The following OLFM3 variants were observed in gnomAD, a reference collection of about 807,000 sequenced individuals.
OLFM3 encodes the protein noelin-3.
OLFM3 carries 20 observed loss-of-function variants against 48.6 expected under a neutral mutation model. The observed-to-expected ratio is 0.41, with a 90% CI of 0.29 to 0.60. The LOEUF (loss-of-function observed/expected upper bound fraction) is 0.60, where lower values mean the gene tolerates loss of function less well. Ranked by LOEUF, OLFM3 falls within the 20% of genes least tolerant of loss-of-function variation. The probability of loss-of-function intolerance (pLI) is 0.28; values close to 1 mark genes in which losing one functional copy is unlikely to be tolerated. For missense variants in OLFM3, 437 were observed against 544.3 expected, an observed-to-expected ratio of 0.80 and a Z score of 1.96; for synonymous variants, 222 against 198.1, an observed-to-expected ratio of 1.12 and a Z score of -1.01.
chr1:101,906,351 A>G (rs991648831), intron 1 of OLFM3, among the ~76,000 whole-genome samples: 1 of 152,130 alleles, frequency 6.6e-6, no homozygotes. Context: ...GTATGTCTCA[A>G]TATTTTCAGC....
rs2100853164 is a variant in OLFM3 at position 101,802,744 on chromosome 1, A to G, written c.*1494T>C. On this transcript the variant is annotated 3_prime_UTR_variant, in exon 6 of 6. Transcript: ENST00000370103. ...TTCAAAGAAAATCATGGTACTATGT[A>G]TGTGTGAAACTAAACATTTAAAACA... 6.6e-6 allele frequency: 1 copy of G among 151,774 alleles called. No homozygotes were observed. The highest frequency in any genetic ancestry group is 2.1e-4 in the South Asian group (1 of 4,828). The allele number at this position is 151,774 out of a possible 1,614,324, so 9.4% of individuals were successfully genotyped here.
intron 1 of OLFM3, among the ~76,000 whole-genome samples, chr1:101,924,592 C>T (rs1659205578): frequency 6.6e-6 from 1 of 152,100 alleles, no homozygotes; most frequent in Admixed American, 6.6e-5. Context: ...TCTCATTTGT[C>T]TTTCTGACAA....
At chr1:101,945,769 G>A (rs1452976951) in intron 1 of OLFM3, among the ~76,000 whole-genome samples, 1 of 152,114 alleles carries the variant, frequency 6.6e-6, no homozygotes, top group Admixed American at 6.6e-5. Context: ...GCAGCATAGT[G>A]AGACACCTTC....
At chr1:101,907,726 C>T (rs1460170182) in intron 1 of OLFM3, among the ~76,000 whole-genome samples, 4 of 152,166 alleles carry the variant, frequency 2.6e-5, no homozygotes, top group Non-Finnish European at 4.4e-5. Context: ...AGACAAAAGT[C>T]GCTAATCAGT....
intron 1 of OLFM3, among the ~76,000 whole-genome samples, chr1:101,926,452 C>G (rs530261126): frequency 6.6e-6 from 1 of 152,102 alleles, no homozygotes; most frequent in Non-Finnish European, 1.5e-5. Context: ...AACAGGGCAG[C>G]CTGGTGGAGC....
chr1:101,839,654 A>G (rs1416784901), intron 1 of OLFM3, among the ~76,000 whole-genome samples: 1 of 152,228 alleles, frequency 6.6e-6, no homozygotes, highest in African/African-American at 2.4e-5. Context: ...ATTAATATTG[A>G]CGTGCACTTG....
chr1:101,937,177 A>T (rs557813498), intron 1 of OLFM3, among the ~76,000 whole-genome samples: 1 of 152,318 alleles, frequency 6.6e-6, no homozygotes, highest in East Asian at 1.9e-4. Flanking sequence ...AATCAGAGTG[A>T]TCCCCAAAAT....
At chr1:101,854,457 C>T (rs1040569655) in intron 1 of OLFM3, among the ~76,000 whole-genome samples, 2 of 152,014 alleles carry the variant, frequency 1.3e-5, no homozygotes, top group Non-Finnish European at 2.9e-5. Flanking sequence ...CCTCCGTTGG[C>T]AGCTGTTGTT....
At chr1:101,818,331 A>C (rs1455673460) in intron 4 of OLFM3, among the ~76,000 whole-genome samples, 1 of 152,122 alleles carries the variant, frequency 6.6e-6, no homozygotes, top group Non-Finnish European at 1.5e-5. Flanking sequence ...ATGATAAATA[A>C]ATATATGATA....
chr1:101,979,224 G>A (rs2101106615), intron 1 of OLFM3, among the ~76,000 whole-genome samples: 1 of 152,252 alleles, frequency 6.6e-6, no homozygotes, highest in South Asian at 2.1e-4. Flanking sequence ...CCCACCTGCT[G>A]TCTACTCTGC....
chr1:101,846,989 G>A, intron 1 of OLFM3: 1 of 1,607,806 alleles, frequency 6.2e-7, no homozygotes, highest in Non-Finnish European at 8.5e-7. Context: ...TGGAGCTAAT[G>A]AGTTTTCATA....
intron 1 of OLFM3, among the ~76,000 whole-genome samples, chr1:101,953,082 C>T (rs1328517444): frequency 2.0e-5 from 3 of 152,106 alleles, no homozygotes; most frequent in Non-Finnish European, 4.4e-5. Flanking sequence ...AAATGTAAAA[C>T]TTCTCAATAT....
intron 1 of OLFM3, among the ~76,000 whole-genome samples, chr1:101,942,489 A>G (rs1659825443): frequency 6.6e-6 from 1 of 152,176 alleles, no homozygotes; most frequent in African/African-American, 2.4e-5. Flanking sequence ...GTTTCTGTAA[A>G]TGTAGTTCTT....
intron 1 of OLFM3, among the ~76,000 whole-genome samples, chr1:101,975,066 C>T (rs1011806207): frequency 2.0e-5 from 3 of 152,146 alleles, no homozygotes; most frequent in Non-Finnish European, 4.4e-5. Flanking sequence ...TCTGTGGAGG[C>T]ATGTGCTTTA....
At chr1:101,812,718 C>G in intron 4 of OLFM3, 1 of 986,888 alleles carries the variant, frequency 1.0e-6, no homozygotes, top group Non-Finnish European at 1.2e-6. Flanking sequence ...TCGGCCAAAA[C>G]TTAGGACAGA....
intron 3 of OLFM3, among the ~76,000 whole-genome samples, chr1:101,827,290 T>C (rs567671758): frequency 1.5e-3 from 226 of 152,216 alleles, no homozygotes; most frequent in African/African-American, 5.3e-3. Context: ...ACATTCTTGA[T>C]ACGATGGAAA....
chr1:101,983,664 T>C (rs1033742385), intron 1 of OLFM3, among the ~76,000 whole-genome samples: 2 of 152,232 alleles, frequency 1.3e-5, no homozygotes, highest in Admixed American at 6.5e-5. Flanking sequence ...TCTGAACTAA[T>C]TATATTCTTC....
rs138105539 is a variant in OLFM3 at position 101,825,204 on chromosome 1, G to A, written c.414C>T (p.Pro138=). Residue 138 remains proline, a synonymous_variant, in exon 4 of 6, where the codon CCC becomes CCT. Coordinates refer to ENST00000370103, the MANE Select transcript of OLFM3 (RefSeq NM_058170.4). ...EKMDELLPLI[P]VLEQYKTDAK... ...CATCTGTTTTGTACTGTTCCAGCAC[G>A]GGGATCAAAGGCAGGAGCTCGTCCA... is the stretch of plus-strand genomic sequence containing the variant. The A allele has an allele frequency of 1.8e-4, 294 of 1,613,856 alleles. No individual in the cohort carries two copies. The highest frequency in any genetic ancestry group is 2.3e-4 in the Non-Finnish European group (267 of 1,179,940).
intron 1 of OLFM3, among the ~76,000 whole-genome samples, chr1:101,912,524 C>T (rs1173624561): frequency 3.9e-5 from 6 of 152,142 alleles, no homozygotes; most frequent in Admixed American, 3.9e-4. Flanking sequence ...TTCCAAAAGT[C>T]ACGCAATTTT....
Sources: gnomAD v4.1 joint callset for allele counts (sites outside exome capture counted in the v4.1 genomes callset) on GRCh38, gnomAD v4.1.1 for gene constraint, MANE v1.5 for transcripts, NCBI Gene and HGNC (gene_info 2026-07-23, HGNC 2026-07-21) for gene names.